MPDZ: variants seen among roughly 807,000 people sequenced by gnomAD.
The protein encoded by MPDZ is multiple PDZ domain crumbs cell polarity complex component, also known as multiple PDZ domain protein.
MPDZ carries 234 observed loss-of-function variants against 239.1 expected under a neutral mutation model. The observed-to-expected ratio is 0.98, with a 90% CI of 0.88 to 1.09. The LOEUF is 1.09. MPDZ is among the 50% of genes least tolerant of loss of function. The pLI, the probability that MPDZ is intolerant of heterozygous loss-of-function variation, is 0.00. For synonymous variants in MPDZ, 1,048 were observed against 881.3 expected, an observed-to-expected ratio of 1.19 and a Z score of -3.35; for missense variants, 3,175 against 2,510.0, an observed-to-expected ratio of 1.26 and a Z score of -5.66.
Position 13,192,154 on chromosome 9 carries a change from A to G in MPDZ, c.1945T>C (p.Cys649Arg), listed in dbSNP as rs776061211. ...ACCTTTTCTGTTAGCTCAATATCAC[A>G]TAAGTCCAGGCTATCCAATTCTGAT... ...TQSELDSLDL[C>R]DIELTEKPHV... is the part of the protein sequence containing the mutation. The change falls in exon 15 of 47, where the codon TGT (cysteine) becomes CGT (arginine). Residue 649 changes from cysteine (C) to arginine (R), a missense_variant. By Grantham distance (180) the Cys-to-Arg change is radical. Transcript: ENST00000319217. The G allele has an allele frequency of 2.9e-5, 46 of 1,607,590 alleles. No individual in the cohort carries two copies. Among genetic ancestry groups the G allele is most frequent in the Non-Finnish European group, 3.5e-5 (41 of 1,176,860 alleles).
rs560908881 is a variant in MPDZ at position 13,176,444 on chromosome 9, A to G, written c.2650-27T>C. The stretch of plus-strand genomic sequence containing the variant: ...TGGTAGTTAAAAAACAACAACAACA[A>G]AACATGAAAAATGTGACCAGAATTA... On this transcript the variant is annotated intron_variant, in intron 19 of 46. Transcript: ENST00000319217. The G allele has an allele frequency of 2.0e-5, 30 of 1,496,668 alleles. 1 individual carries two copies. Among genetic ancestry groups the G allele is most frequent in the South Asian group, 7.1e-5 (5 of 70,116 alleles). The allele number at this position is 1,496,668 out of a possible 1,614,324, so 92.7% of individuals were successfully genotyped here.
chr9:13,247,897 T>C, intron 2 of MPDZ, 96 bp from the exon 3 acceptor site: 1 of 1,158,366 alleles, frequency 8.6e-7, no homozygotes, highest in Non-Finnish European at 1.2e-6. Context: ...AAACTATTTC[T>C]ATTGAGTGCA....
intron 21 of MPDZ, among the ~76,000 whole-genome samples, 179 bp downstream of exon 21, chr9:13,175,573 T>C (rs1330761933): frequency 6.6e-6 from 1 of 152,048 alleles, no homozygotes; most frequent in Non-Finnish European, 1.5e-5. Context: ...TCATATGAAG[T>C]AAACAAACCT....
At chr9:13,277,606 C>T (rs111422385) in intron 1 of MPDZ, among the ~76,000 whole-genome samples, 5 of 152,142 alleles carry the variant, frequency 3.3e-5, no homozygotes, top group African/African-American at 1.2e-4. Context: ...GCTCTGTCAC[C>T]CAGGCCGGAG....
At chr9:13,264,144 T>C (rs905050005) in intron 1 of MPDZ, among the ~76,000 whole-genome samples, 1 of 152,220 alleles carries the variant, frequency 6.6e-6, no homozygotes, top group African/African-American at 2.4e-5. Context: ...AGTATTCTTA[T>C]ATAACAAATG....
At chr9:13,257,346 G>A (rs1053520230) in intron 1 of MPDZ, among the ~76,000 whole-genome samples, 1 of 152,056 alleles carries the variant, frequency 6.6e-6, no homozygotes, top group African/African-American at 2.4e-5. Context: ...ACAGAGAAAA[G>A]GACAGGTCAA....
intron 13 of MPDZ, among the ~76,000 whole-genome samples, chr9:13,194,363 G>A (rs989614640): frequency 2.6e-5 from 4 of 151,884 alleles, no homozygotes; most frequent in African/African-American, 9.7e-5. Context: ...ATACTACACA[G>A]CCATAAAAAA....
intron 26 of MPDZ, among the ~76,000 whole-genome samples, chr9:13,144,724 T>C (rs74810887): frequency 0.011 from 1,658 of 152,202 alleles, 21 homozygotes; most frequent in Admixed American, 0.02. Flanking sequence ...TGCAATGTTT[T>C]TCCTACAGAG....
chr9:13,217,722 C>T (rs1363962478), intron 8 of MPDZ, among the ~76,000 whole-genome samples: 2 of 151,726 alleles, frequency 1.3e-5, no homozygotes, highest in African/African-American at 4.8e-5. Context: ...AAGAAAATAT[C>T]ACTTTGGTCA....
chr9:13,118,928 G>A (rs762303628), intron 39 of MPDZ, among the ~76,000 whole-genome samples: 3 of 152,148 alleles, frequency 2.0e-5, no homozygotes, highest in Admixed American at 6.5e-5. Context: ...CCCCAGTGAA[G>A]GTACTGCTGA....
At chr9:13,220,275 G>C (rs1007480698) in intron 7 of MPDZ, among the ~76,000 whole-genome samples, 2 of 151,906 alleles carry the variant, frequency 1.3e-5, no homozygotes, top group African/African-American at 4.8e-5. Context: ...TGAAAATTCA[G>C]AAAGATGTGA....
chr9:13,271,082 A>C (rs1377675642), intron 1 of MPDZ, among the ~76,000 whole-genome samples: 1 of 152,198 alleles, frequency 6.6e-6, no homozygotes, highest in Non-Finnish European at 1.5e-5. Flanking sequence ...AAGCCTCAAT[A>C]ATCTCCTGAC....
Position 13,112,876 on chromosome 9 carries a change from T to C in MPDZ, c.5601+135A>G, listed in dbSNP as rs141024279. 3.3e-4 allele frequency: 289 copies of C among 867,326 alleles called. 1 individual carries two copies. The African/African-American group carries it at 4.4e-3, about 13-fold the overall frequency. The allele number at this position is 867,326 out of a possible 1,614,324, so 53.7% of individuals were successfully genotyped here. ...ATTCATTAAGGACTACATTATGTTA[T>C]TTCACATGTAATATGTAAGAATACA... On this transcript the variant is annotated intron_variant, in intron 42 of 46. Coordinates refer to ENST00000319217, the MANE Select transcript of MPDZ (RefSeq NM_001378778.1).
At chr9:13,219,445 AT>A (rs1415625049) in intron 8 of MPDZ, 113 bp downstream of exon 8, 4 of 887,444 alleles carry the variant, frequency 4.5e-6, no homozygotes, top group South Asian at 3.7e-5. Context: ...ATTTCATTCC[AT>A]TCTTTAGCAC....
At chr9:13,197,426 T>C (rs1488918793) in intron 12 of MPDZ, among the ~76,000 whole-genome samples, 3 of 152,060 alleles carry the variant, frequency 2.0e-5, no homozygotes, top group African/African-American at 7.2e-5. Context: ...TGCTGAGCAA[T>C]TCTAACACTA....
At chr9:13,218,746 T>C (rs1384905747) in intron 8 of MPDZ, among the ~76,000 whole-genome samples, 1 of 151,888 alleles carries the variant, frequency 6.6e-6, no homozygotes, top group Non-Finnish European at 1.5e-5. Context: ...AGGACGTGTA[T>C]TTACTATAAG....
At chr9:13,259,928 G>C (rs915240985) in intron 1 of MPDZ, among the ~76,000 whole-genome samples, 3 of 152,108 alleles carry the variant, frequency 2.0e-5, no homozygotes, top group Non-Finnish European at 4.4e-5. Context: ...CCGCCTCCCA[G>C]GTTCAAGCTA....
At position 13,138,098 on chromosome 9, in the gene MPDZ, C is replaced by T. The variant is rs1159094746; in HGVS notation, c.4059G>A (p.Leu1353=). ...TLTGELHMIE[L]EKGHSGLGLS... ...GGCCCAAACCACTATGACCTTTCTCCAGTTCAATCATATGCAGCTCGCCTG... is the reference window on the plus strand; with the variant it reads ...GGCCCAAACCACTATGACCTTTCTCTAGTTCAATCATATGCAGCTCGCCTG... The change falls in exon 29 of 47, where the codon CTG becomes CTA. Residue 1353 remains leucine, a synonymous_variant. Transcript: ENST00000319217. 10 of 1,612,740 alleles carry T rather than the reference C, an allele frequency of 6.2e-6. No individual in the cohort carries two copies. Among genetic ancestry groups the T allele is most frequent in the Middle Eastern group, 1.7e-4 (1 of 6,044 alleles).
At chr9:13,219,287 A>T (rs149161164) in intron 8 of MPDZ, among the ~76,000 whole-genome samples, 2 of 152,132 alleles carry the variant, frequency 1.3e-5, no homozygotes, top group Non-Finnish European at 2.9e-5. Flanking sequence ...ACTTTTACCC[A>T]TACTTTAAAA....
Sources: gnomAD v4.1 joint callset for allele counts (sites outside exome capture counted in the v4.1 genomes callset) on GRCh38, gnomAD v4.1.1 for gene constraint, MANE v1.5 for transcripts, NCBI Gene and HGNC (gene_info 2026-07-23, HGNC 2026-07-21) for gene names.